Variants in TMPRSS15 observed in about 807,000 individuals in gnomAD.
The protein encoded by TMPRSS15 is transmembrane serine protease 15, also known as enteropeptidase.
A neutral mutation model predicts 125.3 loss-of-function variants in TMPRSS15; 128 were observed. The observed-to-expected ratio is 1.02, with a 90% CI of 0.89 to 1.18. TMPRSS15 has a LOEUF of 1.18. TMPRSS15 is among the 50% of genes most tolerant of loss of function. The pLI is 0.00. For synonymous variants in TMPRSS15, 446 were observed against 423.2 expected, an observed-to-expected ratio of 1.05 and a Z score of -0.66; for missense variants, 1,283 against 1,212.7, an observed-to-expected ratio of 1.06 and a Z score of -0.86.
At chr21:18,338,236 C>T (rs1054528192) in intron 13 of TMPRSS15, among the ~76,000 whole-genome samples, 85 of 152,098 alleles carry the variant, frequency 5.6e-4, no homozygotes, top group Middle Eastern at 3.4e-3. Context: ...TGAGATGGTG[C>T]TACATTTTAA....
At chr21:18,480,186 A>G (rs1978956918) in intron 1 of TMPRSS15, among the ~76,000 whole-genome samples, 1 of 151,952 alleles carries the variant, frequency 6.6e-6, no homozygotes, top group South Asian at 2.1e-4. Flanking sequence ...GGAGCTGAAT[A>G]TTTCTTTCAA....
chr21:18,276,225 G>A (rs11911826), intron 23 of TMPRSS15, among the ~76,000 whole-genome samples: 42,197 of 152,118 alleles, frequency 0.28, 8,145 homozygotes, highest in African/African-American at 0.55. Context: ...TGTGTGTGTA[G>A]TTAAATGCAA....
intron 18 of TMPRSS15, among the ~76,000 whole-genome samples, chr21:18,298,399 G>T (rs2074930553): frequency 6.6e-6 from 1 of 152,178 alleles, no homozygotes. Context: ...TCATGTGACT[G>T]CACTAAAGGA....
Position 18,270,025 on chromosome 21 carries a change from C to T in TMPRSS15, c.3004G>A (p.Gly1002Arg), listed in dbSNP as rs144640412. ...AACCTTGAGACCCTGGCATACACTC[C>T]GGGGCGATTAGGCAGGGCACACTTG... Reference protein sequence around the residue: ...GYKCALPNRPGVYARVSRFTE... With the variant: ...GYKCALPNRPRVYARVSRFTE... The change falls in exon 25 of 25, where the codon GGA becomes AGA. Residue 1002 changes from glycine (G) to arginine (R), a missense_variant. Coordinates refer to ENST00000284885, the MANE Select transcript of TMPRSS15 (RefSeq NM_002772.3). The T allele has an allele frequency of 2.8e-4, 449 of 1,613,882 alleles. No homozygotes were observed. The highest frequency in any genetic ancestry group is 3.5e-4 in the Non-Finnish European group (414 of 1,179,868).
chr21:18,429,147 C>G (rs1249173223), intron 1 of TMPRSS15, among the ~76,000 whole-genome samples: 1 of 152,136 alleles, frequency 6.6e-6, no homozygotes, highest in Non-Finnish European at 1.5e-5. Context: ...GCATGGGCCC[C>G]CTAACCACTT....
rs62215021 is a variant in TMPRSS15 at position 18,430,222 on chromosome 21, A to G, written c.11-31893T>C. On this transcript the variant is annotated intron_variant, in intron 1 of 7. Transcript: ENST00000422787. ...TGCTGGTGAATAATCATATTTCACA[A>G]TTAGTGACACCTTTTTCTATCTGCT... is the stretch of plus-strand genomic sequence containing the variant. Among the ~76,000 whole-genome samples the G allele has an allele frequency of 1.5e-3, 235 of 152,318 alleles. 3 individuals carry two copies. Among genetic ancestry groups the G allele is most frequent in the Non-Finnish European group, 1.9e-3 (131 of 68,028 alleles).
chr21:18,398,692 T>C (rs1185622580), intron 1 of TMPRSS15, among the ~76,000 whole-genome samples: 2 of 152,132 alleles, frequency 1.3e-5, no homozygotes, highest in African/African-American at 2.4e-5. Flanking sequence ...CAGGGAAACA[T>C]GGTGAGAAGT....
At chr21:18,353,144 C>T in intron 9 of TMPRSS15, 92 bp from the exon 10 acceptor site, 1 of 1,081,956 alleles carries the variant, frequency 9.2e-7, no homozygotes, top group Non-Finnish European at 1.4e-6. Context: ...TAACCTTATA[C>T]AGCTTATACT....
At position 18,439,980 on chromosome 21, in the gene TMPRSS15, GT is replaced by G. The variant is rs776908218; in HGVS notation, c.11-41652del. On this transcript the variant is annotated intron_variant, in intron 1 of 7. Transcript: ENST00000422787. ...AAGGTTGTGGGGTTGTTGTGGATAA[GT>G]TTTATAATTACACAGTACCATGGGA... Among the ~76,000 whole-genome samples the G allele has an allele frequency of 8.3e-4, 126 of 152,280 alleles. 1 individual carries two copies. Among genetic ancestry groups the G allele is most frequent in the South Asian group, 3.1e-3 (15 of 4,826 alleles).
chr21:18,428,491 C>A (rs2076208894), intron 1 of TMPRSS15, among the ~76,000 whole-genome samples: 2 of 152,106 alleles, frequency 1.3e-5, no homozygotes, highest in Admixed American at 6.5e-5. Flanking sequence ...GGTCTGGAGG[C>A]CTAGGAGAAA....
At chr21:18,381,483 T>A in intron 4 of TMPRSS15, among the ~76,000 whole-genome samples, 1 of 152,306 alleles carries the variant, frequency 6.6e-6, no homozygotes, top group African/African-American at 2.4e-5. Flanking sequence ...GATATTAAAC[T>A]GAAATACCTA....
chr21:18,279,704 A>C (rs979389583), intron 22 of TMPRSS15, among the ~76,000 whole-genome samples: 1 of 152,078 alleles, frequency 6.6e-6, no homozygotes, highest in Non-Finnish European at 1.5e-5. Context: ...ATTTTTAAAT[A>C]AAATTATGGT....
At chr21:18,286,310 C>T (rs910997618) in intron 21 of TMPRSS15, among the ~76,000 whole-genome samples, 1 of 152,154 alleles carries the variant, frequency 6.6e-6, no homozygotes, top group Non-Finnish European at 1.5e-5. Flanking sequence ...TTAACCAAGT[C>T]ATTATTTTAA....
intron 1 of TMPRSS15, among the ~76,000 whole-genome samples, chr21:18,445,206 A>T (rs918179904): frequency 1.5e-4 from 21 of 141,502 alleles, no homozygotes; most frequent in African/African-American, 5.0e-4. Flanking sequence ...TATATACCAC[A>T]TTTTTTTTTT....
At chr21:18,408,923 AAG>A (rs2076158963) in intron 1 of TMPRSS15, among the ~76,000 whole-genome samples, 1 of 152,128 alleles carries the variant, frequency 6.6e-6, no homozygotes. Flanking sequence ...TATAAAATAA[AAG>A]AGTTATAGTT....
chr21:18,446,386 T>C (rs760260539), intron 1 of TMPRSS15, among the ~76,000 whole-genome samples: 5 of 152,038 alleles, frequency 3.3e-5, no homozygotes, highest in Non-Finnish European at 7.4e-5. Flanking sequence ...CTCAAAGCAA[T>C]ACACAGATTC....
At chr21:18,483,843 A>G (rs1395523865) in intron 1 of TMPRSS15, among the ~76,000 whole-genome samples, 1 of 151,946 alleles carries the variant, frequency 6.6e-6, no homozygotes, top group Admixed American at 6.6e-5. Flanking sequence ...AGAATCAAAC[A>G]GAGAGAATAT....
At chr21:18,405,849 G>T (rs1291541126), upstream of TMPRSS15, among the ~76,000 whole-genome samples, 1 of 151,990 alleles carries the variant, frequency 6.6e-6, no homozygotes, top group East Asian at 1.9e-4. Context: ...TTTAGAAAAG[G>T]ATTCAAAAAT....
chr21:18,393,697 C>T (rs1195532640), intron 3 of TMPRSS15, among the ~76,000 whole-genome samples: 1 of 152,108 alleles, frequency 6.6e-6, no homozygotes, highest in Admixed American at 6.5e-5. Flanking sequence ...TTTTAAATTC[C>T]TCACAGCAGA....
Sources: gnomAD v4.1 joint callset for allele counts (sites outside exome capture counted in the v4.1 genomes callset) on GRCh38, gnomAD v4.1.1 for gene constraint, MANE v1.5 for transcripts, NCBI Gene and HGNC (gene_info 2026-07-23, HGNC 2026-07-21) for gene names.